RANBP1: variants seen among roughly 807,000 people sequenced by gnomAD.
RANBP1 encodes the protein RAN binding protein 1.
RANBP1 carries 16 observed loss-of-function variants against 31.4 expected under a neutral mutation model. The ratio of observed to expected loss-of-function variants is 0.51; its 90% confidence interval spans 0.34 to 0.77. RANBP1 has a LOEUF of 0.77. RANBP1 is among the 30% of genes least tolerant of loss of function. RANBP1 has a pLI of 0.01. For missense variants in RANBP1, 265 were observed against 362.0 expected, an observed-to-expected ratio of 0.73 and a Z score of 2.17; for synonymous variants, 129 against 140.5, an observed-to-expected ratio of 0.92 and a Z score of 0.58.
chr22:20,116,928 A>G (rs1163162972), intron 1 of RANBP1: 5 of 1,587,486 alleles, frequency 3.1e-6, no homozygotes, highest in Admixed American at 1.7e-5. Flanking sequence ...TTCTCCGCCT[A>G]GACCAGGGAC....
intron 4 of RANBP1, 191 bp downstream of exon 4, chr22:20,125,627 C>G: frequency 4.0e-6 from 6 of 1,483,216 alleles, no homozygotes; most frequent in Non-Finnish European, 5.4e-6. Flanking sequence ...CGCCTTCCCC[C>G]TTAAACTCAA....
At position 20,116,112 on chromosome 22, in the gene RANBP1, T is replaced by C. The variant is rs376574706; in HGVS notation, c.-73T>C. 3.1e-6 allele frequency: 5 copies of C among 1,612,156 alleles called. No individual in the cohort carries two copies. The highest frequency in any genetic ancestry group is 4.2e-6 in the Non-Finnish European group (5 of 1,179,228). On this transcript the variant is annotated 5_prime_UTR_variant, in exon 1 of 6. Coordinates refer to ENST00000430524, the MANE Select transcript of RANBP1 (RefSeq NM_001278639.2). ...GCTGCTCAGCATAGGGCACTGTCCA[T>C]AGAGGGGTCACCACGTCGGCCACTC...
At chr22:20,118,892 G>T (rs1227532149) in intron 1 of RANBP1, 121 bp from the exon 2 acceptor site, 4 of 1,034,420 alleles carry the variant, frequency 3.9e-6, no homozygotes, top group Non-Finnish European at 5.7e-6. Context: ...TTGGGGTTGG[G>T]CCCATCCTTG....
intron 1 of RANBP1, chr22:20,116,778 T>C (rs395446): frequency 0.72 from 1,013,626 of 1,400,036 alleles, 365,764 homozygotes; most frequent in East Asian, 0.89. Flanking sequence ...TTTCCTCCCC[T>C]ATCGCACCTG....
chr22:20,123,444 T>G (rs1602547011), intron 3 of RANBP1, among the ~76,000 whole-genome samples: 1 of 47,232 alleles, frequency 2.1e-5, no homozygotes, highest in Non-Finnish European at 3.8e-5. Flanking sequence ...GGGGGGTGTG[T>G]GGTGTCTGGG....
intron 3 of RANBP1, among the ~76,000 whole-genome samples, chr22:20,123,811 C>G (rs954500731): frequency 3.3e-5 from 5 of 152,058 alleles, no homozygotes; most frequent in African/African-American, 7.3e-5. Flanking sequence ...CCTGCACTGC[C>G]CAGCTTGTTG....
chr22:20,122,205 C>T (rs928390305), intron 2 of RANBP1, 59 bp from the exon 3 acceptor site: 17 of 1,576,846 alleles, frequency 1.1e-5, no homozygotes, highest in South Asian at 4.6e-5. Context: ...TGTCCTCCTG[C>T]GCAGGCCCTG....
intron 1 of RANBP1, chr22:20,116,941 C>T: frequency 6.3e-7 from 1 of 1,578,704 alleles, no homozygotes; most frequent in Non-Finnish European, 8.6e-7. Context: ...CCAGGGACGC[C>T]ATGGGGGCCG....
At chr22:20,117,013 G>A (rs2147969380) in intron 1 of RANBP1, 5 of 1,426,312 alleles carry the variant, frequency 3.5e-6, no homozygotes, top group Non-Finnish European at 4.8e-6. Context: ...GAAGTGCTCA[G>A]AGGGGAGGTG....
At chr22:20,124,355 G>A (rs1475578739) in intron 3 of RANBP1, 2 of 152,108 alleles carry the variant, frequency 1.3e-5, no homozygotes, top group Non-Finnish European at 2.9e-5. Context: ...TCTGGGTAAG[G>A]TGTCGAAGAG....
chr22:20,116,365 C>T lies in RANBP1; in HGVS notation c.181C>T (p.Arg61Cys), dbSNP rs1231362870. The T allele has an allele frequency of 5.0e-6, 8 of 1,612,440 alleles. No homozygotes were observed. The highest frequency in any genetic ancestry group is 5.9e-6 in the Non-Finnish European group (7 of 1,179,540). Residue 61 changes from arginine (R) to cysteine (C), a missense_variant, in exon 1 of 6, where the codon CGC becomes TGC. By Grantham distance (180) the Arg-to-Cys change is radical (BLOSUM62 -3). This residue lies in a region of RANBP1 where 126 missense variants were observed against 123.6 expected (regional missense o/e 1.02). Transcript: ENST00000430524. Reference protein sequence around the residue: ...WGCRPKRPRKRRTSLKLAWRG... With the variant: ...WGCRPKRPRKCRTSLKLAWRG... ...CTGCAGACCAAAGCGGCCCAGGAAG[C>T]GCCGGACGTCGCTGAAGCTGGCGTG...
Position 20,119,026 on chromosome 22 carries a change from A to G in RANBP1, c.260A>G (p.Asp87Gly). The part of the protein sequence containing the change: ...SLKISEDTHE[D>G]HDTSTENTDE... The stretch of plus-strand genomic sequence containing the variant: ...GTATCTCCACAGGACACTCATGAGG[A>G]CCATGATACTTCCACTGAGAATACA... Residue 87 changes from aspartate (D) to glycine (G), a missense_variant, in exon 2 of 6, where the codon GAC (aspartate) becomes GGC (glycine). Physicochemically the swap from Asp to Gly is moderately conservative, Grantham distance 94. This residue lies in a region of RANBP1 where 126 missense variants were observed against 123.6 expected (regional missense o/e 1.02). Transcript: ENST00000430524. 6.2e-7 allele frequency: 1 copy of G among 1,612,768 alleles called. No individual in the cohort carries two copies.
chr22:20,127,096 T>A lies in RANBP1; in HGVS notation c.*44T>A. 2.0e-6 allele frequency: 3 copies of A among 1,516,184 alleles called. No homozygotes were observed. Among genetic ancestry groups the A allele is most frequent in the Non-Finnish European group, 2.7e-6 (3 of 1,126,704 alleles). 93.9% of individuals were successfully genotyped at this position (1,516,184 alleles called of 1,614,324 possible). A position where few individuals can be genotyped will look rare whatever the true frequency, so the allele number is the denominator to read the frequency against. ...CTTTTCCTCTCTTTCCTTTCCTTTTTTTAAAAAATTTTACCCTGCCCCTCT... is the reference window on the plus strand; with the variant it reads ...CTTTTCCTCTCTTTCCTTTCCTTTTATTAAAAAATTTTACCCTGCCCCTCT... On this transcript the variant is annotated 3_prime_UTR_variant, in exon 6 of 6. Transcript: ENST00000430524.
intron 2 of RANBP1, chr22:20,119,632 A>C (rs2050132134): frequency 6.3e-6 from 1 of 158,918 alleles, no homozygotes; most frequent in African/African-American, 2.4e-5. Flanking sequence ...GGTTCACGCC[A>C]TTCTCCTGCC....
Position 20,119,085 on chromosome 22 carries a change from A to G in RANBP1, c.319A>G (p.Ile107Val). ...CAACCATGACCCTCAGTTTGAGCCA[A>G]TAGTTTCTCTTCCTGAGCAAGAAAT... is the stretch of plus-strand genomic sequence containing the variant. ...ESNHDPQFEP[I>V]VSLPEQEIKT... Residue 107 changes from isoleucine to valine, a missense_variant, in exon 2 of 6, where the codon ATA (isoleucine) becomes GTA (valine). Around this residue, in one of 3 missense-constraint regions of RANBP1, gnomAD observed 90 missense variants for 190.5 expected, o/e 0.47. Transcript: ENST00000430524. 1.2e-6 allele frequency: 2 copies of G among 1,612,492 alleles called. No homozygotes were observed. Among genetic ancestry groups the G allele is most frequent in the Non-Finnish European group, 1.7e-6 (2 of 1,178,722 alleles).
chr22:20,126,146 CAG>C (rs1428132974), intron 4 of RANBP1, among the ~76,000 whole-genome samples, 155 bp from the exon 5 acceptor site: 1 of 152,248 alleles, frequency 6.6e-6, no homozygotes, highest in African/African-American at 2.4e-5. Context: ...ATGAAGGAGA[CAG>C]AAGGCCAGGG....
chr22:20,126,554 C>T, intron 5 of RANBP1, 186 bp downstream of exon 5: 1 of 1,563,220 alleles, frequency 6.4e-7, no homozygotes. Flanking sequence ...GAGCACTTGT[C>T]AGTGTTGCTG....
At chr22:20,117,495 AG>A in intron 1 of RANBP1, 1 of 1,201,324 alleles carries the variant, frequency 8.3e-7, no homozygotes, top group Non-Finnish European at 1.0e-6. Flanking sequence ...CGCTGGGGTC[AG>A]GGGTCGAGGT....
intron 4 of RANBP1, among the ~76,000 whole-genome samples, chr22:20,126,037 C>T (rs919624179): frequency 1.6e-4 from 24 of 152,334 alleles, no homozygotes; most frequent in Admixed American, 7.8e-4. Flanking sequence ...AGCAGCCTTT[C>T]CAACACGGTT....
Sources: allele counts gnomAD v4.1 joint callset (sites outside exome capture counted in the v4.1 genomes callset), GRCh38; gene constraint gnomAD v4.1.1; regional missense constraint gnomAD v4.1.1; transcripts MANE v1.5; gene names NCBI Gene and HGNC (gene_info 2026-07-23, HGNC 2026-07-21).